The following STIL variants were observed in gnomAD, a reference collection of about 807,000 sequenced individuals.
STIL encodes the protein STIL centriolar assembly protein.
Under a neutral mutation model 110.1 loss-of-function variants are expected in STIL, and 55 were observed. The observed-to-expected ratio is 0.50, with a 90% confidence interval of 0.40 to 0.63. The LOEUF is 0.63. Among genes scored for constraint, STIL ranks in the 20% least tolerant of loss-of-function variants. The pLI, the probability that STIL is intolerant of heterozygous loss-of-function variation, is 0.00. For missense variants in STIL, 1,358 were observed against 1,530.0 expected, an observed-to-expected ratio of 0.89 and a Z score of 1.87; for synonymous variants, 481 against 530.0, an observed-to-expected ratio of 0.91 and a Z score of 1.27.
At chr1:47,279,305 A>G (rs1277259709) in intron 12 of STIL, among the ~76,000 whole-genome samples, 10 of 150,468 alleles carry the variant, frequency 6.6e-5, no homozygotes, top group African/African-American at 2.5e-4. Context: ...AAAAAATCAT[A>G]CGTATATATG....
At chr1:47,295,726 T>C (rs1223821242) in intron 7 of STIL, 39 bp downstream of exon 7, 1 of 1,371,540 alleles carries the variant, frequency 7.3e-7, no homozygotes, top group South Asian at 1.2e-5. Context: ...CATTTGAACA[T>C]TTGGCTGATA....
intron 3 of STIL, among the ~76,000 whole-genome samples, chr1:47,304,515 A>G (rs1399339532): frequency 1.3e-5 from 2 of 152,252 alleles, no homozygotes; most frequent in African/African-American, 2.4e-5. Flanking sequence ...TTGTCTGTCA[A>G]GGTCCTAGAT....
chr1:47,257,797 T>C (rs1451281926), intron 16 of STIL, among the ~76,000 whole-genome samples: 1 of 152,240 alleles, frequency 6.6e-6, no homozygotes, highest in African/African-American at 2.4e-5. Context: ...TCTTCCCCAC[T>C]GAACTGTAAA....
chr1:47,252,000 C>G (rs1644197906), intron 16 of STIL, 78 bp from the exon 17 acceptor site: 2 of 1,438,064 alleles, frequency 1.4e-6, no homozygotes, highest in South Asian at 1.3e-5. Flanking sequence ...CCATTCTATA[C>G]AAGCAACAAA....
intron 10 of STIL, chr1:47,283,515 AAAGTTGC>A (rs1434674131): frequency 6.6e-6 from 1 of 152,300 alleles, no homozygotes; most frequent in Non-Finnish European, 1.5e-5. Flanking sequence ...AACAGGGTCA[AAAGTTGC>A]AGCAGGAACT....
chr1:47,265,466 G>GT (rs199977331), intron 14 of STIL, among the ~76,000 whole-genome samples: 2,559 of 151,516 alleles, frequency 0.017, 71 homozygotes, highest in African/African-American at 0.058. Flanking sequence ...TCAAACTGTA[G>GT]TTTTTTTTAA....
intron 3 of STIL, among the ~76,000 whole-genome samples, chr1:47,303,937 G>T (rs890822463): frequency 6.6e-6 from 1 of 152,000 alleles, no homozygotes; most frequent in Non-Finnish European, 1.5e-5. Context: ...ATGTATAATA[G>T]ATGCCATTTA....
At chr1:47,289,955 A>AAAC (rs1645432178) in intron 8 of STIL, among the ~76,000 whole-genome samples, 2 of 149,868 alleles carry the variant, frequency 1.3e-5, no homozygotes, top group Non-Finnish European at 1.5e-5. Flanking sequence ...AAAAAAAAAA[A>AAAC]AAAGGAATAA....
intron 2 of STIL, among the ~76,000 whole-genome samples, chr1:47,307,258 G>A (rs940327335): frequency 1.3e-5 from 2 of 152,192 alleles, no homozygotes; most frequent in Non-Finnish European, 2.9e-5. Context: ...TGAGGTTGCA[G>A]TGAGCTGAGA....
chr1:47,288,892 CAAA>C lies in STIL; in HGVS notation c.1023+540_1023+542del, dbSNP rs138649605. Among the ~76,000 whole-genome samples, 108 of 94,764 alleles carry C rather than the reference CAAA, an allele frequency of 1.1e-3. 1 individual carries two copies. Among genetic ancestry groups the C allele is most frequent in the Admixed American group, 3.5e-3 (31 of 8,806 alleles). 62.2% of individuals were successfully genotyped at this position (94,764 alleles called of 152,430 possible). On this transcript the variant is annotated intron_variant, in intron 9 of 16. Transcript: ENST00000371877. ...TGAAACTCCCTCTCTAATGAAAATA[CAAA>C]AAAAAAAAAAAAAAAAAATAGCCAG...
At chr1:47,305,034 T>G in intron 2 of STIL, 38 bp from the exon 3 acceptor site, 1 of 1,459,096 alleles carries the variant, frequency 6.9e-7, no homozygotes, top group Non-Finnish European at 9.6e-7. Flanking sequence ...GCACAAGGAA[T>G]AGCAAACTTG....
chr1:47,251,107 C>A lies in STIL; in HGVS notation c.*29G>T. ...AGTATCTTCAGGAGACACCCTGTCCCTGTATTAAAAGGGCAGGGAGTTAAA... is the reference window on the plus strand; with the variant it reads ...AGTATCTTCAGGAGACACCCTGTCCATGTATTAAAAGGGCAGGGAGTTAAA... On this transcript the variant is annotated 3_prime_UTR_variant, in exon 17 of 17. Coordinates refer to ENST00000371877, the MANE Select transcript of STIL (RefSeq NM_001048166.1). 6.2e-7 allele frequency: 1 copy of A among 1,603,006 alleles called. No individual in the cohort carries two copies. Among genetic ancestry groups the A allele is most frequent in the South Asian group, 1.1e-5 (1 of 90,018 alleles).
upstream of STIL, among the ~76,000 whole-genome samples, chr1:47,314,552 C>T (rs1449313334): frequency 6.6e-6 from 1 of 152,204 alleles, no homozygotes; most frequent in African/African-American, 2.4e-5. Context: ...GAACAGTTTC[C>T]AAACTCTTTA....
At chr1:47,312,557 C>T (rs1557784658) in intron 1 of STIL, among the ~76,000 whole-genome samples, 1 of 152,160 alleles carries the variant, frequency 6.6e-6, no homozygotes, top group Admixed American at 6.5e-5. Flanking sequence ...AAAACCCTTC[C>T]TTAGTACTTG....
At chr1:47,301,012 TG>T (rs1424008792) in intron 5 of STIL, among the ~76,000 whole-genome samples, 2 of 152,226 alleles carry the variant, frequency 1.3e-5, no homozygotes, top group African/African-American at 4.8e-5. Flanking sequence ...ATTTCTGATT[TG>T]ACAGTGTTTT....
intron 15 of STIL, among the ~76,000 whole-genome samples, chr1:47,261,533 A>G (rs1276684647): frequency 1.3e-5 from 2 of 151,760 alleles, no homozygotes; most frequent in African/African-American, 4.8e-5. Context: ...TGAGGCCAGG[A>G]GTTCAAGACC....
intron 16 of STIL, among the ~76,000 whole-genome samples, chr1:47,252,814 C>CAT (rs1644224203): frequency 6.7e-6 from 1 of 149,778 alleles, no homozygotes; most frequent in Non-Finnish European, 1.5e-5. Flanking sequence ...CACACACACA[C>CAT]ACACACACAC....
intron 14 of STIL, among the ~76,000 whole-genome samples, chr1:47,268,831 C>T (rs113254899): frequency 6.6e-6 from 1 of 151,418 alleles, no homozygotes; most frequent in African/African-American, 2.4e-5. Flanking sequence ...TGGTGGCTCA[C>T]GCCTGTAATC....
At chr1:47,265,978 G>A (rs1644643316) in intron 14 of STIL, among the ~76,000 whole-genome samples, 1 of 151,848 alleles carries the variant, frequency 6.6e-6, no homozygotes, top group South Asian at 2.1e-4. Context: ...ATGTTACCCA[G>A]GCTGGTCTCA....
Sources: allele counts gnomAD v4.1 joint callset (sites outside exome capture counted in the v4.1 genomes callset), GRCh38; gene constraint gnomAD v4.1.1; transcripts MANE v1.5; gene names NCBI Gene and HGNC (gene_info 2026-07-23, HGNC 2026-07-21).